The following CACNG4 variants were observed in gnomAD, a reference collection of about 807,000 sequenced individuals.
The protein encoded by CACNG4 is calcium voltage-gated channel auxiliary subunit gamma 4, also known as voltage-dependent calcium channel gamma-4 subunit.
Under a neutral mutation model 22.9 loss-of-function variants are expected in CACNG4, and 8 were observed. That is an observed-to-expected ratio of 0.35 (90% CI 0.21 to 0.63). The LOEUF is 0.63. Among genes scored for constraint, CACNG4 ranks in the 30% least tolerant of loss-of-function variants. The pLI is 0.72. For missense variants in CACNG4, 357 were observed against 455.4 expected, an observed-to-expected ratio of 0.78 and a Z score of 1.97; for synonymous variants, 188 against 191.9, an observed-to-expected ratio of 0.98 and a Z score of 0.17.
chr17:67,015,912 C>G (rs918564109), intron 1 of CACNG4, among the ~76,000 whole-genome samples: 4 of 152,182 alleles, frequency 2.6e-5, no homozygotes, highest in African/African-American at 9.7e-5. Context: ...CAGGAACATT[C>G]TGAGCCTGCC....
chr17:66,987,557 A>G (rs566804254), intron 1 of CACNG4, among the ~76,000 whole-genome samples: 3 of 152,236 alleles, frequency 2.0e-5, no homozygotes, highest in Admixed American at 2.0e-4. Context: ...CAAACAGGAG[A>G]AGCATCAGGC....
chr17:67,004,534 A>T (rs1417888317), intron 1 of CACNG4, among the ~76,000 whole-genome samples: 3 of 152,022 alleles, frequency 2.0e-5, no homozygotes, highest in Non-Finnish European at 4.4e-5. Flanking sequence ...GTCTCCAGGG[A>T]ACCCATGCTT....
At position 66,979,310 on chromosome 17, in the gene CACNG4, C is replaced by T. The variant is rs113488174; in HGVS notation, c.220+14179C>T. ...TGTAAACCACGCAAGCCCTCTCCTG[C>T]TTCCTGTTCAAGTCAGTCTTTTGAG... On this transcript the variant is annotated intron_variant, in intron 1 of 3. Coordinates refer to ENST00000262138, the MANE Select transcript of CACNG4 (RefSeq NM_014405.4). 5.7e-3 allele frequency among the ~76,000 whole-genome samples: 864 copies of T among 152,310 alleles called. 6 individuals carry two copies. The highest frequency in any genetic ancestry group is 0.02 in the African/African-American group (828 of 41,554).
At chr17:67,007,811 C>A (rs1286444647) in intron 1 of CACNG4, among the ~76,000 whole-genome samples, 2 of 152,200 alleles carry the variant, frequency 1.3e-5, no homozygotes, top group Admixed American at 6.5e-5. Context: ...ATGTAACAGT[C>A]CAAATGGGTG....
At chr17:66,990,916 G>A (rs1402494260) in intron 1 of CACNG4, among the ~76,000 whole-genome samples, 1 of 151,924 alleles carries the variant, frequency 6.6e-6, no homozygotes, top group Non-Finnish European at 1.5e-5. Context: ...TCCTGACCTC[G>A]TGATCCGCCC....
intron 1 of CACNG4, among the ~76,000 whole-genome samples, chr17:66,998,878 G>A (rs549422611): frequency 2.6e-5 from 4 of 152,230 alleles, no homozygotes; most frequent in Non-Finnish European, 5.9e-5. Flanking sequence ...ACAGAAGCTG[G>A]TGAAGGGGAG....
At position 67,031,703 on chromosome 17, in the gene CACNG4, C is replaced by T. The variant is rs1030843915; in HGVS notation, c.*699C>T. On this transcript the variant is annotated 3_prime_UTR_variant, in exon 4 of 4. Transcript: ENST00000262138. This position sits in a 1 kb window ranked among gnomAD's most constrained non-coding sequence, Gnocchi z 4.0. ...AAGGCTGGGGGCTGTTGCTGGCTAT[C>T]CTCTTTGCTTCTGGAAGTTTCTGCC... 2.2e-6 allele frequency: 1 copy of T among 456,746 alleles called. No individual in the cohort carries two copies. The highest frequency in any genetic ancestry group is 2.3e-5 in the Admixed American group (1 of 42,582). 28.3% of individuals were successfully genotyped at this position (456,746 alleles called of 1,614,324 possible).
chr17:66,969,273 A>T (rs184655513), intron 1 of CACNG4, among the ~76,000 whole-genome samples: 1 of 152,126 alleles, frequency 6.6e-6, no homozygotes, highest in African/African-American at 2.4e-5. Context: ...CACTAGAGCC[A>T]CCCAGTCCCC....
intron 1 of CACNG4, among the ~76,000 whole-genome samples, chr17:67,012,626 G>A (rs181702663): frequency 1.3e-5 from 2 of 152,186 alleles, no homozygotes; most frequent in East Asian, 1.9e-4. Context: ...CTGTTCAAAG[G>A]TTTCCCCCAG....
Position 66,982,109 on chromosome 17 carries a change from G to A in CACNG4, c.220+16978G>A, listed in dbSNP as rs143250629. 1.7e-3 allele frequency among the ~76,000 whole-genome samples: 266 copies of A among 152,298 alleles called. 2 individuals carry two copies. The East Asian group carries it at 0.022, about 12-fold the overall frequency. On this transcript the variant is annotated intron_variant, in intron 1 of 3. Coordinates refer to ENST00000262138, the MANE Select transcript of CACNG4 (RefSeq NM_014405.4). ...TGTTACAGCTCTTAAAGGTGGCACG[G>A]ACCCAAAGAGTGAGCAGCAGCTAGA... is the stretch of plus-strand genomic sequence containing the variant.
intron 1 of CACNG4, among the ~76,000 whole-genome samples, chr17:66,965,562 G>A (rs1261405015): frequency 6.7e-6 from 1 of 150,282 alleles, no homozygotes; most frequent in East Asian, 2.0e-4. Flanking sequence ...GGGAGCGGAC[G>A]GGAGGGGGGG....
intron 3 of CACNG4, among the ~76,000 whole-genome samples, chr17:67,028,316 G>A (rs1325255840): frequency 6.6e-6 from 1 of 152,228 alleles, no homozygotes; most frequent in Non-Finnish European, 1.5e-5. Context: ...CACTTTGGGA[G>A]GCTGAGGCGG....
At chr17:66,972,414 G>A (rs1213052193) in intron 1 of CACNG4, among the ~76,000 whole-genome samples, 1 of 152,142 alleles carries the variant, frequency 6.6e-6, no homozygotes, top group Non-Finnish European at 1.5e-5. Flanking sequence ...CAGCATACCT[G>A]GCCTCCCCGC....
intron 3 of CACNG4, among the ~76,000 whole-genome samples, chr17:67,028,069 T>C (rs1000724163): frequency 7.3e-5 from 11 of 151,182 alleles, no homozygotes; most frequent in African/African-American, 2.7e-4. Flanking sequence ...AAAAAAACCA[T>C]GTTGGAAAGG....
intron 1 of CACNG4, among the ~76,000 whole-genome samples, chr17:66,966,166 C>G (rs913497236): frequency 3.3e-5 from 5 of 152,082 alleles, no homozygotes; most frequent in Admixed American, 6.5e-5. Context: ...AAAATGCGCT[C>G]GGCTTCGGCG....
At chr17:67,020,082 A>T (rs2035522669) in intron 2 of CACNG4, 1 of 152,372 alleles carries the variant, frequency 6.6e-6, no homozygotes, top group Non-Finnish European at 1.5e-5. Flanking sequence ...CAGGCATGGG[A>T]GCCTGGAGGA....
intron 2 of CACNG4, among the ~76,000 whole-genome samples, chr17:67,019,636 G>C (rs1032328678): frequency 3.9e-5 from 6 of 152,212 alleles, no homozygotes; most frequent in African/African-American, 1.2e-4. Context: ...GCCCAATCCA[G>C]GGCAATCAGG....
intron 1 of CACNG4, among the ~76,000 whole-genome samples, chr17:67,013,799 G>A (rs1418713939): frequency 7.8e-6 from 1 of 128,622 alleles, no homozygotes; most frequent in Non-Finnish European, 1.6e-5. Context: ...AGTGAGACTT[G>A]TCTCAAAAAA....
At chr17:66,988,164 CT>C (rs2035315973) in intron 1 of CACNG4, among the ~76,000 whole-genome samples, 1 of 152,034 alleles carries the variant, frequency 6.6e-6, no homozygotes, top group African/African-American at 2.4e-5. Context: ...TGTACTGCAC[CT>C]GGGAGCATGT....
Sources: gnomAD v4.1 joint callset for allele counts (sites outside exome capture counted in the v4.1 genomes callset) on GRCh38, gnomAD v4.1.1 for gene constraint, Gnocchi (gnomAD v3.1) non-coding constraint, MANE v1.5 for transcripts, NCBI Gene and HGNC (gene_info 2026-07-23, HGNC 2026-07-21) for gene names.